ASTN2: variants seen among roughly 807,000 people sequenced by gnomAD.
ASTN2 encodes the protein astrotactin-2.
Under a neutral mutation model 139.8 loss-of-function variants are expected in ASTN2, and 54 were observed. That is an observed-to-expected ratio of 0.39 (90% CI 0.31 to 0.48). The LOEUF is 0.48. Ranked by LOEUF, ASTN2 falls within the 20% of genes least tolerant of loss-of-function variation. The probability of loss-of-function intolerance (pLI) is 0.95; values close to 1 mark genes in which losing one functional copy is unlikely to be tolerated. For missense variants in ASTN2, 1,565 were observed against 1,725.1 expected, an observed-to-expected ratio of 0.91 and a Z score of 1.64; for synonymous variants, 756 against 719.5, an observed-to-expected ratio of 1.05 and a Z score of -0.81.
chr9:117,272,295 A>AG lies in ASTN2; in HGVS notation c.630+19030dup, dbSNP rs113979816. 4.5e-3 allele frequency among the ~76,000 whole-genome samples: 692 copies of AG among 152,314 alleles called. 6 individuals are homozygous for AG. Among genetic ancestry groups the AG allele is most frequent in the African/African-American group, 0.016 (664 of 41,578 alleles). ...AGCCACGCTGGAGAGGCTGGGACACAGGCACCAAGTCCCTAGGCTGCACAC... is the reference window on the plus strand; with the variant it reads ...AGCCACGCTGGAGAGGCTGGGACACAGGGCACCAAGTCCCTAGGCTGCACAC... On this transcript the variant is annotated intron_variant, in intron 2 of 22. Coordinates refer to ENST00000313400, the MANE Select transcript of ASTN2 (RefSeq NM_001365068.1).
chr9:116,459,236 A>G (rs1045270619), intron 20 of ASTN2, among the ~76,000 whole-genome samples: 3 of 152,116 alleles, frequency 2.0e-5, no homozygotes, highest in African/African-American at 4.8e-5. Flanking sequence ...TGGGACCCCT[A>G]TATCACACCA....
chr9:116,989,430 A>G (rs1350254822), intron 7 of ASTN2, among the ~76,000 whole-genome samples: 1 of 152,160 alleles, frequency 6.6e-6, no homozygotes, highest in African/African-American at 2.4e-5. Context: ...AATTGCAGGC[A>G]GATGGTCAGG....
intron 20 of ASTN2, among the ~76,000 whole-genome samples, chr9:116,474,661 AAGTTAGGAAG>A (rs1355787933): frequency 7.2e-5 from 11 of 152,150 alleles, no homozygotes; most frequent in African/African-American, 2.4e-4. Flanking sequence ...GAGCAGGGAA[AAGTTAGGAAG>A]CCTGGCCTCT....
intron 16 of ASTN2, among the ~76,000 whole-genome samples, chr9:116,656,381 A>G (rs1588148601): frequency 6.6e-6 from 1 of 152,330 alleles, no homozygotes; most frequent in East Asian, 1.9e-4. Context: ...ATAGCTGAGC[A>G]CTTTTCCAGT....
chr9:116,527,320 A>G (rs1851137634), intron 19 of ASTN2, among the ~76,000 whole-genome samples: 1 of 152,204 alleles, frequency 6.6e-6, no homozygotes, highest in Admixed American at 6.5e-5. Flanking sequence ...AGTAATTTCA[A>G]AAACTTAGTA....
intron 11 of ASTN2, among the ~76,000 whole-genome samples, chr9:116,840,431 C>T (rs1832180208): frequency 6.7e-6 from 1 of 150,244 alleles, no homozygotes; most frequent in Non-Finnish European, 1.5e-5. Flanking sequence ...CAGAGGGGCT[C>T]CTCACTTCCC....
chr9:117,105,554 A>G (rs566662653), intron 4 of ASTN2, among the ~76,000 whole-genome samples: 4 of 152,276 alleles, frequency 2.6e-5, no homozygotes, highest in South Asian at 2.1e-4. Context: ...CTTTATCATT[A>G]TGACTCCCTG....
intron 12 of ASTN2, among the ~76,000 whole-genome samples, chr9:116,815,121 C>T (rs1393278046): frequency 6.6e-6 from 1 of 152,190 alleles, no homozygotes; most frequent in African/African-American, 2.4e-5. Flanking sequence ...CCATCTCCCA[C>T]CAACTCTTCC....
intron 20 of ASTN2, among the ~76,000 whole-genome samples, chr9:116,471,452 G>A (rs1032629338): frequency 2.0e-5 from 3 of 152,162 alleles, no homozygotes; most frequent in Non-Finnish European, 4.4e-5. Context: ...CCTTCAGGCT[G>A]GCCTCACACA....
At chr9:116,729,217 G>T in intron 14 of ASTN2, 121 bp from the exon 15 acceptor site, 1 of 727,166 alleles carries the variant, frequency 1.4e-6, no homozygotes, top group Non-Finnish European at 2.3e-6. Flanking sequence ...ACTTTCACTG[G>T]GATTGACAAT....
chr9:117,210,951 T>C (rs1347376313), intron 3 of ASTN2, among the ~76,000 whole-genome samples: 1 of 136,462 alleles, frequency 7.3e-6, no homozygotes, highest in Non-Finnish European at 1.6e-5. Context: ...AATAGAATGA[T>C]GGAAAAAAAA....
At chr9:117,120,355 A>T (rs1246552648) in intron 4 of ASTN2, among the ~76,000 whole-genome samples, 1 of 151,964 alleles carries the variant, frequency 6.6e-6, no homozygotes, top group Admixed American at 6.6e-5. Context: ...ACCAAAGGAG[A>T]GCCTGGGTGC....
chr9:117,197,253 T>A (rs1345133034), intron 3 of ASTN2: 1 of 152,308 alleles, frequency 6.6e-6, no homozygotes, highest in Non-Finnish European at 1.5e-5. Flanking sequence ...AGCTGCGTGC[T>A]CGGTTGAAGA....
intron 19 of ASTN2, among the ~76,000 whole-genome samples, chr9:116,500,176 T>C (rs990858296): frequency 2.7e-4 from 41 of 152,150 alleles, no homozygotes; most frequent in African/African-American, 9.4e-4. Context: ...CTACTATCCC[T>C]GTGCAGTGAG....
At chr9:116,911,566 A>G (rs1231604065) in intron 10 of ASTN2, among the ~76,000 whole-genome samples, 1 of 152,258 alleles carries the variant, frequency 6.6e-6, no homozygotes, top group African/African-American at 2.4e-5. Context: ...CTGGTTTCTT[A>G]GTTTTTACAA....
intron 10 of ASTN2, among the ~76,000 whole-genome samples, chr9:116,917,785 C>T (rs1834492442): frequency 6.6e-6 from 1 of 152,194 alleles, no homozygotes; most frequent in South Asian, 2.1e-4. Context: ...TGAGCACCTT[C>T]TATGGATCTG....
At chr9:116,827,165 C>T (rs1268775031) in intron 11 of ASTN2, among the ~76,000 whole-genome samples, 2 of 151,502 alleles carry the variant, frequency 1.3e-5, no homozygotes, top group Non-Finnish European at 2.9e-5. Context: ...CAAAATTAGC[C>T]GGGTGCGGTG....
At chr9:116,919,011 C>CT (rs144283238) in intron 10 of ASTN2, among the ~76,000 whole-genome samples, 10 of 148,246 alleles carry the variant, frequency 6.7e-5, no homozygotes, top group Non-Finnish European at 9.0e-5. Flanking sequence ...TCATTTTGGG[C>CT]TTTTTTTTTT....
intron 19 of ASTN2, chr9:116,610,799 A>T (rs772175090): frequency 1.9e-4 from 29 of 152,292 alleles, no homozygotes; most frequent in South Asian, 6.2e-4. Flanking sequence ...AATAACAATA[A>T]CTTCAAAATA....
Sources: gnomAD v4.1 joint callset for allele counts (sites outside exome capture counted in the v4.1 genomes callset) on GRCh38, gnomAD v4.1.1 for gene constraint, MANE v1.5 for transcripts, NCBI Gene and HGNC (gene_info 2026-07-23, HGNC 2026-07-21) for gene names.